EIF3L: variants seen among roughly 807,000 people sequenced by gnomAD.
The protein encoded by EIF3L is eIEF associated protein HSPC021.
Under a neutral mutation model 74.6 loss-of-function variants are expected in EIF3L, and 32 were observed. The ratio of observed to expected loss-of-function variants is 0.43; its 90% CI spans 0.32 to 0.58. The LOEUF is 0.58. Ranked by LOEUF, EIF3L falls within the 20% of genes least tolerant of loss-of-function variation. The probability of loss-of-function intolerance (pLI) is 0.06; values close to 1 mark genes in which losing one functional copy is unlikely to be tolerated. For synonymous variants in EIF3L, 256 were observed against 254.4 expected (o/e 1.01, Z -0.06); for missense variants, 474 against 707.8 (o/e 0.67, Z 3.75).
chr22:37,871,897 T>C (rs1459239959), intron 8 of EIF3L, among the ~76,000 whole-genome samples: 1 of 148,354 alleles, frequency 6.7e-6, no homozygotes, highest in Non-Finnish European at 1.5e-5. Context: ...AAAAAAGATA[T>C]CTCATTAGGC....
At chr22:37,858,816 AGTCATTTGTTTATATTG>A (rs1482033692) in intron 5 of EIF3L, 76 bp downstream of exon 5, 2 of 1,324,678 alleles carry the variant, frequency 1.5e-6, no homozygotes, top group East Asian at 2.3e-5. Context: ...CCTAGAACAC[AGTCATTTGTTTATATTG>A]GTTCAGTGTC....
intron 4 of EIF3L, among the ~76,000 whole-genome samples, chr22:37,857,081 G>A (rs1406517317): frequency 6.6e-6 from 1 of 151,730 alleles, no homozygotes; most frequent in Non-Finnish European, 1.5e-5. Context: ...AGTCCTCCAG[G>A]CCAGGCGCGG....
At chr22:37,871,612 T>A (rs4820310) in intron 8 of EIF3L, among the ~76,000 whole-genome samples, 108,185 of 152,104 alleles carry the variant, frequency 0.71, 39,918 homozygotes, top group African/African-American at 0.91. Flanking sequence ...TCACGCCTAT[T>A]ATCCTGGCAT....
chr22:37,888,813 G>A lies in EIF3L; in HGVS notation c.*349G>A. On this transcript the variant is annotated 3_prime_UTR_variant, in exon 13 of 13. Transcript: ENST00000652021. Reference sequence around the variant, plus strand: ...GCTGGAGTGCAGTAGCGTGATCTCAGTTCGTTGCATCCTCCGCTGCCCAGG... The same window carrying A: ...GCTGGAGTGCAGTAGCGTGATCTCAATTCGTTGCATCCTCCGCTGCCCAGG... 1 of 238,556 alleles carries A rather than the reference G, an allele frequency of 4.2e-6. No individual in the cohort carries two copies. The highest frequency in any genetic ancestry group is 6.7e-5 in the South Asian group (1 of 14,950). The allele number at this position is 238,556 out of a possible 1,614,324, so 14.8% of individuals were successfully genotyped here.
chr22:37,868,110 A>ATTTTTTTTTTT (rs545183532), intron 7 of EIF3L, among the ~76,000 whole-genome samples: 5 of 92,686 alleles, frequency 5.4e-5, no homozygotes, highest in African/African-American at 2.3e-4. Context: ...TCTTTGTAGG[A>ATTTTTTTTTTT]TTTTTTTTTT....
At chr22:37,867,715 G>T (rs1480504082) in intron 7 of EIF3L, among the ~76,000 whole-genome samples, 1 of 150,526 alleles carries the variant, frequency 6.6e-6, no homozygotes, top group Middle Eastern at 3.2e-3. Flanking sequence ...AGCACTTTGG[G>T]AGGCCGAGGC....
At chr22:37,880,909 T>C (rs1601781971) in intron 11 of EIF3L, 1 of 152,376 alleles carries the variant, frequency 6.6e-6, no homozygotes, top group African/African-American at 2.4e-5. Flanking sequence ...TCACCGTCCA[T>C]TGTGTGTAGC....
At chr22:37,853,273 TGA>T (rs1361218732) in intron 3 of EIF3L, among the ~76,000 whole-genome samples, 2 of 152,140 alleles carry the variant, frequency 1.3e-5, no homozygotes, top group Non-Finnish European at 2.9e-5. Context: ...AGAATTCGAC[TGA>T]GGGGCACAAG....
chr22:37,851,705 G>T, intron 3 of EIF3L: 1 of 454,732 alleles, frequency 2.2e-6, no homozygotes, highest in South Asian at 2.1e-5. Flanking sequence ...TCACTCTGTC[G>T]CCCAGGCTGG....
At chr22:37,886,574 A>G (rs966615927) in intron 11 of EIF3L, 191 bp from the exon 12 acceptor site, 8 of 385,654 alleles carry the variant, frequency 2.1e-5, no homozygotes, top group Non-Finnish European at 3.9e-5. Context: ...TCTCAAAAAA[A>G]AAAAGAAAAG....
chr22:37,881,804 T>C (rs1277524249), intron 11 of EIF3L: 1 of 152,226 alleles, frequency 6.6e-6, no homozygotes, highest in East Asian at 1.9e-4. Context: ...CAAAATGTTC[T>C]GTTACTATCT....
chr22:37,863,067 T>G (rs1925945066), intron 6 of EIF3L, 29 bp downstream of exon 6: 1 of 1,591,500 alleles, frequency 6.3e-7, no homozygotes, highest in Non-Finnish European at 8.6e-7. Context: ...CAAGAGGGTG[T>G]GTGTGGTTAT....
chr22:37,860,136 GCTGT>G (rs1168679975), intron 5 of EIF3L, among the ~76,000 whole-genome samples: 1 of 152,128 alleles, frequency 6.6e-6, no homozygotes, highest in Non-Finnish European at 1.5e-5. Flanking sequence ...TCTGCACTTG[GCTGT>G]CTGAGTCATC....
chr22:37,861,247 G>A (rs1243252439), intron 5 of EIF3L, among the ~76,000 whole-genome samples: 1 of 152,110 alleles, frequency 6.6e-6, no homozygotes, highest in Non-Finnish European at 1.5e-5. Context: ...TCTCCTTGAG[G>A]ACCGCTTGAT....
At chr22:37,849,960 G>A in intron 1 of EIF3L, 55 bp from the exon 2 acceptor site, 2 of 1,598,586 alleles carry the variant, frequency 1.3e-6, no homozygotes, top group Non-Finnish European at 8.6e-7. Context: ...TCTAGGATGA[G>A]CGTTTTGAAT....
At chr22:37,857,491 C>T (rs963260666) in intron 4 of EIF3L, among the ~76,000 whole-genome samples, 11 of 148,972 alleles carry the variant, frequency 7.4e-5, no homozygotes, top group Non-Finnish European at 1.5e-4. Flanking sequence ...GTGTACAAGT[C>T]TCTCATTTGT....
At position 37,888,507 on chromosome 22, in the gene EIF3L, G is replaced by A. The variant is rs1300033114; in HGVS notation, c.*43G>A. On this transcript the variant is annotated 3_prime_UTR_variant, in exon 13 of 13. Coordinates refer to ENST00000652021, the MANE Select transcript of EIF3L (RefSeq NM_016091.4). ...CAGGAACCTGTTTTGATGTATTATA[G>A]GCAGGAAGTGTTTTTGCTACCGTGA... The A allele has an allele frequency of 3.7e-6, 6 of 1,604,284 alleles. No individual in the cohort carries two copies. Among genetic ancestry groups the A allele is most frequent in the Admixed American group, 1.7e-5 (1 of 59,688 alleles).
chr22:37,870,716 T>C (rs991301043), intron 8 of EIF3L, among the ~76,000 whole-genome samples: 1 of 152,210 alleles, frequency 6.6e-6, no homozygotes, highest in Non-Finnish European at 1.5e-5. Flanking sequence ...TTTTCTTTTT[T>C]TTTCAGTGAA....
At chr22:37,873,241 G>A (rs1468773771) in intron 8 of EIF3L, among the ~76,000 whole-genome samples, 1 of 151,418 alleles carries the variant, frequency 6.6e-6, no homozygotes, top group Non-Finnish European at 1.5e-5. Context: ...CGTCCGCCTC[G>A]GCCTCCCAAA....
Sources: gnomAD v4.1 joint callset for allele counts (sites outside exome capture counted in the v4.1 genomes callset) on GRCh38, gnomAD v4.1.1 for gene constraint, MANE v1.5 for transcripts, NCBI Gene and HGNC (gene_info 2026-07-23, HGNC 2026-07-21) for gene names.